The following CTSS variants were observed in gnomAD, a reference collection of about 807,000 sequenced individuals.
CTSS encodes cathepsin S.
CTSS carries 15 observed loss-of-function variants against 39.9 expected under a neutral mutation model. The observed-to-expected ratio is 0.38, with a 90% confidence interval of 0.25 to 0.58. The LOEUF (loss-of-function observed/expected upper bound fraction) is 0.58, where lower values mean the gene tolerates loss of function less well. Among genes scored for constraint, CTSS ranks in the 20% least tolerant of loss-of-function variants. CTSS has a pLI of 0.70. For synonymous variants in CTSS, 126 were observed against 138.2 expected (o/e 0.91, Z 0.62); for missense variants, 250 against 398.2 (o/e 0.63, Z 3.17).
In CTSS at chr1:150,738,838, C is replaced by G. The variant is rs587602149; in HGVS notation, c.897-5693G>C. 2.6e-5 allele frequency among the ~76,000 whole-genome samples: 4 copies of G among 152,226 alleles called. No homozygotes were observed. The South Asian group carries it at 8.3e-4, about 32-fold the overall frequency. The stretch of plus-strand genomic sequence containing the variant: ...ACTAACTGACACTTCCCCCATCTCT[C>G]TCTCTCTCCTCTGGCCTCCCTTTTC... On this transcript the variant is annotated intron_variant, in intron 7 of 7. Transcript: ENST00000368985.
At chr1:150,733,252 C>T (rs952636480) in intron 7 of CTSS, 107 bp from the exon 8 acceptor site, 19 of 712,832 alleles carry the variant, frequency 2.7e-5, no homozygotes, top group East Asian at 2.3e-4. Context: ...TATGAAAGGC[C>T]GTAAAACAAA....
chr1:150,758,043 G>T, intron 2 of CTSS, 63 bp from the exon 3 acceptor site: 1 of 1,504,866 alleles, frequency 6.6e-7, no homozygotes, highest in Non-Finnish European at 8.9e-7. Flanking sequence ...GTTTGATGAT[G>T]AAAATGGCAA....
intron 7 of CTSS, among the ~76,000 whole-genome samples, chr1:150,735,817 C>T (rs959255612): frequency 6.8e-6 from 1 of 146,610 alleles, no homozygotes; most frequent in African/African-American, 2.5e-5. Flanking sequence ...AGTGTAGTGG[C>T]ACAATCTCGG....
intron 7 of CTSS, among the ~76,000 whole-genome samples, chr1:150,734,004 A>G (rs1388929866): frequency 1.3e-5 from 2 of 151,968 alleles, no homozygotes; most frequent in African/African-American, 2.4e-5. Flanking sequence ...ACAGTTATCA[A>G]TTTTAAAATT....
rs1652552292 is a variant in CTSS at position 150,732,817 on chromosome 1, C to T, written c.*229G>A. On this transcript the variant is annotated 3_prime_UTR_variant, in exon 8 of 8. Coordinates refer to ENST00000368985, the MANE Select transcript of CTSS (RefSeq NM_004079.5). The stretch of plus-strand genomic sequence containing the variant: ...AGAGATGGGGTTTCACCATGTTAGC[C>T]AGGCTGCTCTTTAACTCCTGGCCTC... The T allele has an allele frequency of 3.1e-6, 1 of 327,236 alleles. No homozygotes were observed. Among genetic ancestry groups the T allele is most frequent in the Admixed American group, 4.7e-5 (1 of 21,114 alleles). The allele number at this position is 327,236 out of a possible 1,614,324, so 20.3% of individuals were successfully genotyped here. A position where few individuals can be genotyped will look rare whatever the true frequency, so the allele number is the denominator to read the frequency against.
At chr1:150,738,652 TA>T (rs772315817) in intron 7 of CTSS, among the ~76,000 whole-genome samples, 22 of 145,912 alleles carry the variant, frequency 1.5e-4, no homozygotes, top group South Asian at 2.2e-4. Context: ...CCAGGGTAAT[TA>T]AAAAAAAAAA....
chr1:150,735,409 G>A (rs946727621), intron 7 of CTSS, among the ~76,000 whole-genome samples: 3 of 152,106 alleles, frequency 2.0e-5, no homozygotes, highest in Non-Finnish European at 4.4e-5. Flanking sequence ...ACTATGTTCT[G>A]ATTTTCTTAT....
intron 7 of CTSS, among the ~76,000 whole-genome samples, chr1:150,743,308 A>G (rs2101913680): frequency 6.6e-6 from 1 of 151,686 alleles, no homozygotes; most frequent in South Asian, 2.1e-4. Context: ...TACATCTGGA[A>G]ACTTGATTCA....
chr1:150,745,962 G>T (rs1306787635), intron 7 of CTSS, among the ~76,000 whole-genome samples: 1 of 152,140 alleles, frequency 6.6e-6, no homozygotes, highest in Non-Finnish European at 1.5e-5. Flanking sequence ...CACCCGTGCT[G>T]TACCTTTGAT....
At chr1:150,764,909 T>C in intron 1 of CTSS, 145 bp from the exon 2 acceptor site, 1 of 896,564 alleles carries the variant, frequency 1.1e-6, no homozygotes, top group South Asian at 1.8e-5. Context: ...ATTCCTGGGA[T>C]ATATAGTCAC....
rs1419054170 is a variant in CTSS, at chr1:150,751,848, G to A, written c.560C>T (p.Thr187Met). ...NKGCNGGFMT[T>M]AFQYIIDNKG... ...GTTATCAATGATGTACTGGAAAGCCGTTGTCATGAAGCCACCATTGCAGCC... is the reference window on the plus strand; with the variant it reads ...GTTATCAATGATGTACTGGAAAGCCATTGTCATGAAGCCACCATTGCAGCC... Residue 187 changes from threonine to methionine, a missense_variant, in exon 5 of 8, where the codon ACG (threonine) becomes ATG (methionine). Thr to Met is a moderately conservative substitution (Grantham distance 81, BLOSUM62 -1). Transcript: ENST00000368985. 7.4e-6 allele frequency: 12 copies of A among 1,614,040 alleles called. No individual in the cohort carries two copies. Among genetic ancestry groups the A allele is most frequent in the Middle Eastern group, 1.6e-4 (1 of 6,084 alleles).
chr1:150,763,371 G>T (rs764349014), intron 2 of CTSS, among the ~76,000 whole-genome samples: 3 of 152,030 alleles, frequency 2.0e-5, no homozygotes, highest in Non-Finnish European at 4.4e-5. Context: ...GCAATCTATT[G>T]CATAGCATGG....
intron 3 of CTSS, among the ~76,000 whole-genome samples, chr1:150,757,194 G>A (rs1271609826): frequency 6.6e-6 from 1 of 152,180 alleles, no homozygotes; most frequent in East Asian, 1.9e-4. Flanking sequence ...ATCCCAGCTA[G>A]GCACCCTCAT....
chr1:150,740,138 G>C (rs752398750), intron 7 of CTSS, among the ~76,000 whole-genome samples: 1 of 152,184 alleles, frequency 6.6e-6, no homozygotes, highest in African/African-American at 2.4e-5. Flanking sequence ...AAATGAACAA[G>C]AGACTATCCT....
rs1653362392 is a variant in CTSS at position 150,765,776 on chromosome 1, G to A, written c.-80C>T. On this transcript the variant is annotated 5_prime_UTR_variant, in exon 1 of 8. Transcript: ENST00000368985. ...TCTTCTAAGATTTCAAAGCAACAAG[G>A]AGATTTCAGTTCAATTGACTTGAAA... is the stretch of plus-strand genomic sequence containing the variant. 6.6e-6 allele frequency: 1 copy of A among 152,198 alleles called. No homozygotes were observed. Among genetic ancestry groups the A allele is most frequent in the Non-Finnish European group, 1.5e-5 (1 of 68,032 alleles). The allele number at this position is 152,198 out of a possible 1,614,324, so 9.4% of individuals were successfully genotyped here.
intron 7 of CTSS, among the ~76,000 whole-genome samples, chr1:150,743,496 G>GAT (rs10609824): frequency 0.011 from 1,407 of 124,892 alleles, 32 homozygotes; most frequent in African/African-American, 0.035. Flanking sequence ...GAGGCTGGGA[G>GAT]ATATATATAT....
intron 2 of CTSS, among the ~76,000 whole-genome samples, chr1:150,760,256 G>A (rs967030335): frequency 4.6e-5 from 7 of 152,264 alleles, no homozygotes; most frequent in South Asian, 2.1e-4. Flanking sequence ...CAACGAAACC[G>A]TATGATCATT....
chr1:150,737,189 A>G (rs1474162359), intron 7 of CTSS, among the ~76,000 whole-genome samples: 3 of 151,404 alleles, frequency 2.0e-5, no homozygotes, highest in African/African-American at 4.9e-5. Flanking sequence ...TGCAACCTCC[A>G]CCTCCCAGGT....
At chr1:150,750,550 A>G (rs1253765375) in intron 5 of CTSS, among the ~76,000 whole-genome samples, 1 of 152,222 alleles carries the variant, frequency 6.6e-6, no homozygotes, top group African/African-American at 2.4e-5. Flanking sequence ...TAAAGACCAT[A>G]TAATATGGGA....
Sources: gnomAD v4.1 joint callset for allele counts (sites outside exome capture counted in the v4.1 genomes callset) on GRCh38, gnomAD v4.1.1 for gene constraint, MANE v1.5 for transcripts, NCBI Gene and HGNC (gene_info 2026-07-23, HGNC 2026-07-21) for gene names.